The following ASIC2 variants were observed in gnomAD, a reference collection of about 807,000 sequenced individuals.
ASIC2 encodes acid-sensing ion channel 2.
Under a neutral mutation model 57.3 loss-of-function variants are expected in ASIC2, and 25 were observed. The ratio of observed to expected loss-of-function variants is 0.44; its 90% CI spans 0.32 to 0.61. ASIC2 has a LOEUF of 0.61. Ranked by LOEUF, ASIC2 falls within the 20% of genes least tolerant of loss-of-function variation. The pLI, the probability that ASIC2 is intolerant of heterozygous loss-of-function variation, is 0.06. For missense variants in ASIC2, 641 were observed against 738.1 expected (o/e 0.87, Z 1.52); for synonymous variants, 319 against 307.5 (o/e 1.04, Z -0.39).
At chr17:33,464,056 A>G (rs578058167) in intron 1 of ASIC2, among the ~76,000 whole-genome samples, 17 of 152,196 alleles carry the variant, frequency 1.1e-4, no homozygotes, top group Admixed American at 4.6e-4. Flanking sequence ...GCATTCCATT[A>G]TTCATCTTCA....
chr17:33,017,967 C>T (rs1200063726), intron 7 of ASIC2, among the ~76,000 whole-genome samples: 2 of 152,226 alleles, frequency 1.3e-5, no homozygotes, highest in East Asian at 1.9e-4. Context: ...TGTTTGGTTA[C>T]ACTCAAAACC....
At chr17:33,124,283 C>T (rs1293794667) in intron 1 of ASIC2, among the ~76,000 whole-genome samples, 1 of 152,208 alleles carries the variant, frequency 6.6e-6, no homozygotes, top group Admixed American at 6.5e-5. Flanking sequence ...TCAAAGCCAT[C>T]ACAGATTCAC....
chr17:33,502,833 G>C (rs1383974350), intron 1 of ASIC2, among the ~76,000 whole-genome samples: 2 of 152,092 alleles, frequency 1.3e-5, no homozygotes, highest in Non-Finnish European at 2.9e-5. Flanking sequence ...CTGATCTTCT[G>C]TCTGCTTGTG....
intron 1 of ASIC2, among the ~76,000 whole-genome samples, chr17:33,154,316 G>A (rs1440524278): frequency 1.3e-5 from 2 of 152,156 alleles, no homozygotes; most frequent in African/African-American, 4.8e-5. Context: ...TTGAGTAGCT[G>A]GAACTATAGA....
intron 1 of ASIC2, among the ~76,000 whole-genome samples, chr17:33,795,582 G>A (rs1911892899): frequency 6.6e-6 from 1 of 152,146 alleles, no homozygotes. Context: ...CATCCCTTCT[G>A]TCCACTGAGC....
chr17:33,744,735 G>T (rs528502039), intron 1 of ASIC2, among the ~76,000 whole-genome samples: 1 of 152,288 alleles, frequency 6.6e-6, no homozygotes, highest in South Asian at 2.1e-4. Context: ...CCAGATGTCA[G>T]ATTTGACAAA....
chr17:34,013,818 T>G (rs1906854808), intron 1 of ASIC2, among the ~76,000 whole-genome samples: 1 of 152,160 alleles, frequency 6.6e-6, no homozygotes, highest in African/African-American at 2.4e-5. Flanking sequence ...GTGCATGCAC[T>G]CTCCAGGCAG....
chr17:33,582,157 A>G (rs1203360880), intron 1 of ASIC2, among the ~76,000 whole-genome samples: 1 of 152,242 alleles, frequency 6.6e-6, no homozygotes, highest in Admixed American at 6.5e-5. Flanking sequence ...TTGTTACAAC[A>G]GCTGTCGAAA....
intron 1 of ASIC2, among the ~76,000 whole-genome samples, chr17:33,376,676 A>G (rs1358963982): frequency 6.6e-6 from 1 of 152,198 alleles, no homozygotes; most frequent in East Asian, 1.9e-4. Context: ...TCCAGAATCC[A>G]TGATCTTGAC....
intron 1 of ASIC2, among the ~76,000 whole-genome samples, chr17:33,772,864 T>C (rs942309285): frequency 6.6e-6 from 1 of 152,190 alleles, no homozygotes; most frequent in Non-Finnish European, 1.5e-5. Context: ...TTATATAACA[T>C]GTTCTTCATT....
chr17:34,082,757 C>G (rs1909938542), intron 1 of ASIC2, among the ~76,000 whole-genome samples: 1 of 152,242 alleles, frequency 6.6e-6, no homozygotes, highest in African/African-American at 2.4e-5. Flanking sequence ...TAGATCATTA[C>G]TGCTACCACT....
At chr17:33,147,126 G>A (rs1904595199) in intron 1 of ASIC2, among the ~76,000 whole-genome samples, 1 of 152,158 alleles carries the variant, frequency 6.6e-6, no homozygotes, top group Admixed American at 6.5e-5. Context: ...TGGACAATAT[G>A]ACAAGAATAG....
chr17:33,491,790 C>T (rs573812569), intron 1 of ASIC2, among the ~76,000 whole-genome samples: 18 of 152,330 alleles, frequency 1.2e-4, no homozygotes, highest in African/African-American at 4.3e-4. Context: ...CCTCTGAGAA[C>T]CTCTCTGCCA....
chr17:33,404,140 A>G (rs1373778999), intron 1 of ASIC2, among the ~76,000 whole-genome samples: 5 of 152,220 alleles, frequency 3.3e-5, no homozygotes, highest in Admixed American at 3.3e-4. Flanking sequence ...ATGATAGAGT[A>G]AAAGACTAGG....
chr17:33,208,145 G>T (rs553313450), intron 1 of ASIC2, among the ~76,000 whole-genome samples: 2 of 152,158 alleles, frequency 1.3e-5, no homozygotes, highest in Non-Finnish European at 2.9e-5. Context: ...GAAGGGTGTT[G>T]GTTATAACCT....
chr17:33,073,027 A>G (rs2092075429), intron 3 of ASIC2, among the ~76,000 whole-genome samples: 1 of 152,178 alleles, frequency 6.6e-6, no homozygotes, highest in African/African-American at 2.4e-5. Context: ...ACAAAATATG[A>G]GCACGTTTCC....
intron 1 of ASIC2, among the ~76,000 whole-genome samples, chr17:33,665,161 A>C (rs1164259966): frequency 9.9e-5 from 15 of 152,118 alleles, no homozygotes. Flanking sequence ...CATTTTAAGG[A>C]GATACTGTTT....
intron 1 of ASIC2, among the ~76,000 whole-genome samples, chr17:33,601,909 A>C (rs1905123417): frequency 6.6e-6 from 1 of 152,228 alleles, no homozygotes; most frequent in Non-Finnish European, 1.5e-5. Flanking sequence ...TGGACCTACT[A>C]GAGACCAGTT....
At chr17:33,306,875 T>G (rs1296437527) in intron 1 of ASIC2, among the ~76,000 whole-genome samples, 2 of 152,172 alleles carry the variant, frequency 1.3e-5, no homozygotes, top group Non-Finnish European at 2.9e-5. Context: ...TAGGTATTGA[T>G]CCTCACAGCT....
Sources: allele counts gnomAD v4.1 joint callset (sites outside exome capture counted in the v4.1 genomes callset), GRCh38; gene constraint gnomAD v4.1.1; transcripts MANE v1.5; gene names NCBI Gene and HGNC (gene_info 2026-07-23, HGNC 2026-07-21).